Variants in GPR119 observed in about 807,000 individuals in gnomAD.
GPR119 encodes glucose-dependent insulinotropic receptor.
Under a neutral mutation model 13.3 loss-of-function variants are expected in GPR119, and 7 were observed. That is an observed-to-expected ratio of 0.53 (90% CI 0.30 to 0.99). The LOEUF is 0.99. GPR119 is among the 50% of genes least tolerant of loss of function. The pLI is 0.06. For missense variants in GPR119, 197 were observed against 263.0 expected (o/e 0.75, Z 1.74); for synonymous variants, 107 against 112.5 (o/e 0.95, Z 0.31).
In GPR119 at chrX:130,384,689, C is replaced by G; in HGVS notation, c.759G>C (p.Glu253Asp). ...GTTCCAGCACTAGGTAGAGGTGACA[C>G]TCCTGGCAGGCCACCTGCACAATGC... Reference protein sequence around the residue: ...ITGIVQVACQECHLYLVLERY... With the variant: ...ITGIVQVACQDCHLYLVLERY... The change falls in exon 1 of 2, where the codon GAG (glutamate) becomes GAC (aspartate). Residue 253 changes from glutamate to aspartate, a missense_variant. Glu to Asp is a conservative substitution (Grantham distance 45, BLOSUM62 2). Transcript: ENST00000682440. 1.7e-6 allele frequency: 2 copies of G among 1,211,907 alleles called. No homozygotes were observed. Among genetic ancestry groups the G allele is most frequent in the South Asian group, 1.8e-5 (1 of 56,982 alleles).
At chrX:130,383,931 T>C (rs1399933286) in intron 1 of GPR119, among the ~76,000 whole-genome samples, 3 of 112,313 alleles carry the variant, frequency 2.7e-5, no homozygotes, top group Admixed American at 9.4e-5. Context: ...TCTCAAGGAC[T>C]TAGTATGAAA....
chrX:130,385,508 T>G lies in GPR119; in HGVS notation c.-61A>C. The G allele has an allele frequency of 9.1e-7, 1 of 1,098,667 alleles. No homozygotes were observed. The highest frequency in any genetic ancestry group is 1.8e-5 in the African/African-American group (1 of 55,883). The allele number at this position is 1,098,667 out of a possible 1,213,427, so 90.5% of individuals were successfully genotyped here. Reference sequence around the variant, plus strand: ...GCTATCTCTCCAGCTGAAATTCTCATGGGCCAGGGGCAGAGGAGCTGTGGG... The same window carrying G: ...GCTATCTCTCCAGCTGAAATTCTCAGGGGCCAGGGGCAGAGGAGCTGTGGG... On this transcript the variant is annotated 5_prime_UTR_variant, in exon 1 of 2. It removes an upstream start codon present in the reference 5' UTR. Transcript: ENST00000682440.
Position 130,382,353 on chromosome X carries a change from G to A in GPR119, c.*203C>T, listed in dbSNP as rs893918802. On this transcript the variant is annotated 3_prime_UTR_variant, in exon 2 of 2. Coordinates refer to ENST00000682440, the MANE Select transcript of GPR119 (RefSeq NM_178471.3). ...AATCCAGTTATTCGTATTTTACCTAGTTCCCAGTAACTCACAATACAATCC... is the reference window on the plus strand; with the variant it reads ...AATCCAGTTATTCGTATTTTACCTAATTCCCAGTAACTCACAATACAATCC... Among the ~76,000 whole-genome samples, 2 of 111,518 alleles carry A rather than the reference G, an allele frequency of 1.8e-5. No homozygotes were observed. Among genetic ancestry groups the A allele is most frequent in the Non-Finnish European group, 3.8e-5 (2 of 53,128 alleles).
rs756570213 is a variant in GPR119 at position 130,385,219 on chromosome X, G to A, written c.229C>T (p.Leu77=). 1 of 1,212,243 alleles carries A rather than the reference G, an allele frequency of 8.2e-7. No homozygotes were observed. ...SSPSRPTQKT[L]CSLRMAFVTS... ...ACAAATGCCATCCGCAGGCTGCACAGGGTCTTCTGTGTGGGCCGAGAAGGG... is the reference window on the plus strand; with the variant it reads ...ACAAATGCCATCCGCAGGCTGCACAAGGTCTTCTGTGTGGGCCGAGAAGGG... The change falls in exon 1 of 2, where the codon CTG becomes TTG. Residue 77 remains leucine (L), a synonymous_variant. Transcript: ENST00000682440.
At position 130,384,824 on chromosome X, in the gene GPR119, C is replaced by G; in HGVS notation, c.624G>C (p.Met208Ile). Residue 208 changes from methionine to isoleucine, a missense_variant, in exon 1 of 2, where the codon ATG becomes ATC. By Grantham distance (10) the Met-to-Ile change is conservative. Transcript: ENST00000682440. ...QIRKMEHAGA[M>I]AGGYRSPRTP... ...TCCGTGGGGATCGATAACCTCCAGC[C>G]ATGGCTCCTGCATGTTCCATCTTTC... 2 of 1,212,091 alleles carry G rather than the reference C, an allele frequency of 1.7e-6. No individual in the cohort carries two copies. The highest frequency in any genetic ancestry group is 5.9e-5 in the East Asian group (2 of 33,846).
At position 130,380,742 on chromosome X, in the gene GPR119, G is replaced by A. The variant is rs1170690071; in HGVS notation, c.*1814C>T. The stretch of plus-strand genomic sequence containing the variant: ...TCCCAGTTACTCAGGAAGCTGAGGT[G>A]GGAAGATTGCTTGAGTCTGGGAAGT... On this transcript the variant is annotated 3_prime_UTR_variant, in exon 2 of 2. Coordinates refer to ENST00000682440, the MANE Select transcript of GPR119 (RefSeq NM_178471.3). 1.8e-5 allele frequency among the ~76,000 whole-genome samples: 2 copies of A among 111,814 alleles called. No individual in the cohort carries two copies. The highest frequency in any genetic ancestry group is 3.8e-5 in the Non-Finnish European group (2 of 53,141).
chrX:130,379,683 G>A lies in GPR119; in HGVS notation c.*2873C>T, dbSNP rs897096717. On this transcript the variant is annotated 3_prime_UTR_variant, in exon 2 of 2. Coordinates refer to ENST00000682440, the MANE Select transcript of GPR119 (RefSeq NM_178471.3). ...TACAAGTTGTGTTTTTGAAAAAGAC[G>A]ACATAGGAAAATATACACAATATAA... 9.0e-6 allele frequency among the ~76,000 whole-genome samples: 1 copy of A among 111,520 alleles called. No individual in the cohort carries two copies. Among genetic ancestry groups the A allele is most frequent in the African/African-American group, 3.3e-5 (1 of 30,684 alleles).
chrX:130,385,322 G>A lies in GPR119; in HGVS notation c.126C>T (p.Cys42=), dbSNP rs2034380297. The change falls in exon 1 of 2, where the codon TGC becomes TGT. Residue 42 remains cysteine, a synonymous_variant. Coordinates refer to ENST00000682440, the MANE Select transcript of GPR119 (RefSeq NM_178471.3). The part of the protein sequence containing the change: ...LIHKNDGVSL[C]FTLNLAVADT... Reference sequence around the variant, plus strand: ...CAGCCACAGCCAGATTCAAGGTGAAGCAGAGACTGACACCATCATTCTTGT... The same window carrying A: ...CAGCCACAGCCAGATTCAAGGTGAAACAGAGACTGACACCATCATTCTTGT... 1 of 1,212,146 alleles carries A rather than the reference G, an allele frequency of 8.2e-7. No homozygotes were observed. The highest frequency in any genetic ancestry group is 1.8e-5 in the South Asian group (1 of 57,031).
intron 1 of GPR119, among the ~76,000 whole-genome samples, chrX:130,383,938 G>GA (rs1013132724): frequency 3.4e-3 from 368 of 109,640 alleles, no homozygotes; most frequent in Non-Finnish European, 5.6e-3. Context: ...GACTTAGTAT[G>GA]AAAAAAAAAC....
rs749736818 is a variant in GPR119, at chrX:130,380,094, C to G, written c.*2462G>C. On this transcript the variant is annotated 3_prime_UTR_variant, in exon 2 of 2. Coordinates refer to ENST00000682440, the MANE Select transcript of GPR119 (RefSeq NM_178471.3). ...AGTTTGAAGGATGACGTGGAAAATA[C>G]TGAAGGAGCCACAGAATTGAGTGGC... Among the ~76,000 whole-genome samples the G allele has an allele frequency of 1.9e-4, 21 of 112,415 alleles. No individual in the cohort carries two copies. The highest frequency in any genetic ancestry group is 3.0e-4 in the Non-Finnish European group (16 of 53,329).
rs2034356448 is a variant in GPR119 at position 130,381,106 on chromosome X, T to G, written c.*1450A>C. 9.2e-6 allele frequency among the ~76,000 whole-genome samples: 1 copy of G among 108,836 alleles called. No individual in the cohort carries two copies. Among genetic ancestry groups the G allele is most frequent in the Non-Finnish European group, 1.9e-5 (1 of 52,226 alleles). The allele number at this position is 108,836 out of a possible 115,157, so 94.5% of individuals were successfully genotyped here. On this transcript the variant is annotated 3_prime_UTR_variant, in exon 2 of 2. Transcript: ENST00000682440. ...TGTGTAGCATCCTGTAGCTCTGCTC[T>G]TGGTGGCTTATTAAACACAGTGTTG...
Position 130,379,478 on chromosome X carries a change from A to G in GPR119, c.*3078T>C, listed in dbSNP as rs1461040293. Among the ~76,000 whole-genome samples, 1 of 111,379 alleles carries G rather than the reference A, an allele frequency of 9.0e-6. No homozygotes were observed. Among genetic ancestry groups the G allele is most frequent in the Non-Finnish European group, 1.9e-5 (1 of 53,166 alleles). ...ACTTATAAATATTTAATGCTCCTTG[A>G]TCTAGTAATACTGCTTGGTGAATTT... On this transcript the variant is annotated 3_prime_UTR_variant, in exon 2 of 2. Coordinates refer to ENST00000682440, the MANE Select transcript of GPR119 (RefSeq NM_178471.3).
rs11433896 is a variant in GPR119, at chrX:130,382,161, CT to C, written c.*394del. The stretch of plus-strand genomic sequence containing the variant: ...GGAATGATTAAATCAGGCTAATTTA[CT>C]TTTTTTTTTCTAAAAGGACCTTGGC... On this transcript the variant is annotated 3_prime_UTR_variant, in exon 2 of 2. Coordinates refer to ENST00000682440, the MANE Select transcript of GPR119 (RefSeq NM_178471.3). 2.8e-5 allele frequency among the ~76,000 whole-genome samples: 3 copies of C among 106,670 alleles called. No individual in the cohort carries two copies. The highest frequency in any genetic ancestry group is 3.9e-5 in the Non-Finnish European group (2 of 51,699). The allele number at this position is 106,670 out of a possible 115,157, so 92.6% of individuals were successfully genotyped here. A position where few individuals can be genotyped will look rare whatever the true frequency, so the allele number is the denominator to read the frequency against.
rs764152101 is a variant in GPR119, at chrX:130,382,033, G to T, written c.*523C>A. ...ATCACCTGGCCTCTCCTCCCCTCCTGCTTTTCTGTACTTAAAAATATATAT... is the reference window on the plus strand; with the variant it reads ...ATCACCTGGCCTCTCCTCCCCTCCTTCTTTTCTGTACTTAAAAATATATAT... On this transcript the variant is annotated 3_prime_UTR_variant, in exon 2 of 2. Transcript: ENST00000682440. 9.1e-6 allele frequency among the ~76,000 whole-genome samples: 1 copy of T among 109,923 alleles called. No homozygotes were observed. The highest frequency in any genetic ancestry group is 3.9e-4 in the South Asian group (1 of 2,595).
At position 130,380,292 on chromosome X, in the gene GPR119, C is replaced by A. The variant is rs1446387052; in HGVS notation, c.*2264G>T. ...AAATCAAGGTCATGAGTTCAATTCCCATTTGAACCAGTTAACACTTCTCCT... is the reference window on the plus strand; with the variant it reads ...AAATCAAGGTCATGAGTTCAATTCCAATTTGAACCAGTTAACACTTCTCCT... On this transcript the variant is annotated 3_prime_UTR_variant, in exon 2 of 2. Coordinates refer to ENST00000682440, the MANE Select transcript of GPR119 (RefSeq NM_178471.3). 8.9e-6 allele frequency among the ~76,000 whole-genome samples: 1 copy of A among 112,070 alleles called. No homozygotes were observed. The highest frequency in any genetic ancestry group is 3.3e-5 in the African/African-American group (1 of 30,769).
Position 130,381,211 on chromosome X carries a change from C to T in GPR119, c.*1345G>A, listed in dbSNP as rs1002553917. Among the ~76,000 whole-genome samples the T allele has an allele frequency of 1.8e-5, 2 of 110,593 alleles. No homozygotes were observed. The highest frequency in any genetic ancestry group is 3.8e-5 in the Non-Finnish European group (2 of 52,869). ...TGTTGCCCAGGCTGGAGTGCAGTGG[C>T]GCGACCTTGGCTCACTGCAACCTCT... On this transcript the variant is annotated 3_prime_UTR_variant, in exon 2 of 2. Coordinates refer to ENST00000682440, the MANE Select transcript of GPR119 (RefSeq NM_178471.3).
chrX:130,379,564 A>T lies in GPR119; in HGVS notation c.*2992T>A, dbSNP rs932382838. Among the ~76,000 whole-genome samples, 4 of 112,269 alleles carry T rather than the reference A, an allele frequency of 3.6e-5. No individual in the cohort carries two copies. Among genetic ancestry groups the T allele is most frequent in the African/African-American group, 1.3e-4 (4 of 30,926 alleles). On this transcript the variant is annotated 3_prime_UTR_variant, in exon 2 of 2. Coordinates refer to ENST00000682440, the MANE Select transcript of GPR119 (RefSeq NM_178471.3). ...TATACACAGGGATATTTATCATGCT[A>T]TTATAACAGAAATTAGAAATAACCT...
At chrX:130,383,010 C>T (rs889113703) in intron 1 of GPR119, among the ~76,000 whole-genome samples, 3 of 111,339 alleles carry the variant, frequency 2.7e-5, no homozygotes, top group Non-Finnish European at 5.7e-5. Flanking sequence ...GCAAGTTAAT[C>T]CATACTGTTT....
At position 130,384,674 on chromosome X, in the gene GPR119, T is replaced by A. The variant is rs763641646; in HGVS notation, c.774A>T (p.Leu258=). ...QVACQECHLY[L]VLERYLWLLG... ...GCAGCCACAGGTACCGTTCCAGCAC[T>A]AGGTAGAGGTGACACTCCTGGCAGG... Residue 258 remains leucine (L), a synonymous_variant, in exon 1 of 2, where the codon CTA becomes CTT. Coordinates refer to ENST00000682440, the MANE Select transcript of GPR119 (RefSeq NM_178471.3). 5.0e-6 allele frequency: 6 copies of A among 1,209,695 alleles called. No individual in the cohort carries two copies. In the African/African-American group the frequency reaches 1.1e-4, roughly 21 times the overall value.
Sources: allele counts gnomAD v4.1 joint callset (sites outside exome capture counted in the v4.1 genomes callset), GRCh38; gene constraint gnomAD v4.1.1; transcripts MANE v1.5; gene names NCBI Gene and HGNC (gene_info 2026-07-23, HGNC 2026-07-21).